ELOC: variants seen among roughly 807,000 people sequenced by gnomAD.
ELOC encodes the protein elongin C.
For missense variants in ELOC, 38 were observed against 139.0 expected (o/e 0.27, Z 3.65); for synonymous variants, 40 against 51.3 (o/e 0.78, Z 0.94).
intron 2 of ELOC, among the ~76,000 whole-genome samples, chr8:73,959,546 T>C (rs1814448037): frequency 6.6e-6 from 1 of 152,170 alleles, no homozygotes. Context: ...ATTTTTCAGC[T>C]CTATTATAAT....
intron 3 of ELOC, among the ~76,000 whole-genome samples, chr8:73,954,927 G>A (rs1287772800): frequency 1.3e-5 from 2 of 150,802 alleles, no homozygotes; most frequent in Admixed American, 1.3e-4. Context: ...CCAGCTACTC[G>A]GGAGGCTGAG....
At chr8:73,956,583 G>A (rs1563677835) in intron 2 of ELOC, among the ~76,000 whole-genome samples, 1 of 152,128 alleles carries the variant, frequency 6.6e-6, no homozygotes, top group South Asian at 2.1e-4. Context: ...CTACTTCAGT[G>A]AAAATTCACT....
In ELOC at chr8:73,951,647, C is replaced by CAACAACAACA. The variant is rs1813766225; in HGVS notation, c.148+4263_148+4264insTGTTGTTGTT. ...TCAAAAACAAACAAACAAAAAACCC[C>CAACAACAACA]ACAACAACAACAACAACAACAACAA... On this transcript the variant is annotated intron_variant, in intron 3 of 3. Transcript: ENST00000520242. Among the ~76,000 whole-genome samples, 674 of 149,920 alleles carry CAACAACAACA rather than the reference C, an allele frequency of 4.5e-3. 2 individuals are homozygous for CAACAACAACA. Among genetic ancestry groups the CAACAACAACA allele is most frequent in the Non-Finnish European group, 7.5e-3 (508 of 67,568 alleles).
At chr8:73,954,224 T>C (rs1015791719) in intron 3 of ELOC, among the ~76,000 whole-genome samples, 1 of 152,134 alleles carries the variant, frequency 6.6e-6, no homozygotes, top group African/African-American at 2.4e-5. Context: ...GAGCTTGCTT[T>C]TGGAGTAATA....
intron 3 of ELOC, among the ~76,000 whole-genome samples, chr8:73,949,768 A>G (rs1813625299): frequency 6.6e-6 from 1 of 152,226 alleles, no homozygotes; most frequent in Non-Finnish European, 1.5e-5. Flanking sequence ...TTGAGGCTGA[A>G]TGTTTTCTGA....
At chr8:73,959,021 T>C (rs1365930359) in intron 2 of ELOC, among the ~76,000 whole-genome samples, 2 of 152,168 alleles carry the variant, frequency 1.3e-5, no homozygotes, top group Non-Finnish European at 2.9e-5. Flanking sequence ...GGGTAAGTAT[T>C]TGTGTATCTA....
chr8:73,950,605 G>A (rs1813689647), intron 3 of ELOC, among the ~76,000 whole-genome samples: 1 of 152,106 alleles, frequency 6.6e-6, no homozygotes, highest in Admixed American at 6.6e-5. Context: ...AATCATAGTG[G>A]GGAATTTTTA....
rs1019430444 is a variant in ELOC at position 73,945,170 on chromosome 8, T to C, written c.*1460A>G. ...TCTCGCTCTGTCACCCAGGCTGGAG[T>C]GCAGTGGTGCGATCTCGGCTCACTG... On this transcript the variant is annotated 3_prime_UTR_variant, in exon 4 of 4. Transcript: ENST00000520242. 1.4e-5 allele frequency: 2 copies of C among 138,954 alleles called. No homozygotes were observed. The allele number at this position is 138,954 out of a possible 1,614,324, so 8.6% of individuals were successfully genotyped here.
At chr8:73,968,769 C>G (rs1057215228) in intron 1 of ELOC, among the ~76,000 whole-genome samples, 1 of 152,232 alleles carries the variant, frequency 6.6e-6, no homozygotes, top group Non-Finnish European at 1.5e-5. Context: ...ACTTCTTAAC[C>G]TATTCTGATC....
chr8:73,952,092 T>G (rs1478476315), intron 3 of ELOC, among the ~76,000 whole-genome samples: 1 of 152,146 alleles, frequency 6.6e-6, no homozygotes, highest in Non-Finnish European at 1.5e-5. Flanking sequence ...GGGTTAGATT[T>G]GACAACAGAT....
chr8:73,947,999 CCTGA>C (rs1380126528), intron 3 of ELOC, among the ~76,000 whole-genome samples: 8 of 152,126 alleles, frequency 5.3e-5, no homozygotes, highest in Admixed American at 1.3e-4. Context: ...TCGAGAGCAG[CCTGA>C]CTAACATAGT....
At chr8:73,965,047 A>C (rs1204063526) in intron 1 of ELOC, among the ~76,000 whole-genome samples, 2 of 151,356 alleles carry the variant, frequency 1.3e-5, no homozygotes, top group Non-Finnish European at 2.9e-5. Flanking sequence ...AAAAAAAAAA[A>C]AAAAAACTCT....
intron 1 of ELOC, among the ~76,000 whole-genome samples, chr8:73,962,970 T>C (rs548053444): frequency 3.3e-5 from 5 of 152,296 alleles, no homozygotes; most frequent in Admixed American, 3.3e-4. Flanking sequence ...GAGACAAAAA[T>C]TTCAGCTTGA....
chr8:73,953,660 C>CAA (rs1375581566), intron 3 of ELOC, among the ~76,000 whole-genome samples: 3 of 136,204 alleles, frequency 2.2e-5, no homozygotes, highest in African/African-American at 5.4e-5. Context: ...AACTCTGTCT[C>CAA]AAAAAAAAAA....
In ELOC at chr8:73,947,092, G is replaced by A. The variant is rs192780994; in HGVS notation, c.149-272C>T. ...CAACCTCCACCTCCCAGGTTCAAGC[G>A]ATTTTCCTGCCTCAGCCTCCTGAGT... On this transcript the variant is annotated intron_variant, in intron 3 of 3. Coordinates refer to ENST00000520242, the MANE Select transcript of ELOC (RefSeq NM_005648.4). 1.2e-4 allele frequency among the ~76,000 whole-genome samples: 19 copies of A among 152,178 alleles called. No homozygotes were observed. In the East Asian group the frequency reaches 3.7e-3, roughly 29 times the overall value.
intron 1 of ELOC, among the ~76,000 whole-genome samples, chr8:73,969,151 G>A (rs1815190985): frequency 6.6e-6 from 1 of 152,000 alleles, no homozygotes; most frequent in Non-Finnish European, 1.5e-5. Flanking sequence ...CATATTCTCA[G>A]GTGTCTACTA....
intron 1 of ELOC, among the ~76,000 whole-genome samples, chr8:73,961,779 C>T (rs529760262): frequency 2.0e-5 from 3 of 152,138 alleles, no homozygotes; most frequent in African/African-American, 7.2e-5. Flanking sequence ...TCCCAAAGTA[C>T]CATTTCTAAT....
At chr8:73,965,700 A>G (rs963417790) in intron 1 of ELOC, among the ~76,000 whole-genome samples, 1 of 152,248 alleles carries the variant, frequency 6.6e-6, no homozygotes, top group Non-Finnish European at 1.5e-5. Flanking sequence ...GGTTAAAGCT[A>G]GAATTTTAAA....
chr8:73,965,036 CAAAA>C (rs61081733), intron 1 of ELOC, among the ~76,000 whole-genome samples: 1 of 81,414 alleles, frequency 1.2e-5, no homozygotes, highest in African/African-American at 4.8e-5. Flanking sequence ...AAAAACAAAC[CAAAA>C]AAAAAAAAAA....
Sources: gnomAD v4.1 joint callset for allele counts (sites outside exome capture counted in the v4.1 genomes callset) on GRCh38, gnomAD v4.1.1 for gene constraint, MANE v1.5 for transcripts, NCBI Gene and HGNC (gene_info 2026-07-23, HGNC 2026-07-21) for gene names.